INPP4B: variants seen among roughly 807,000 people sequenced by gnomAD.
INPP4B encodes the protein inositol polyphosphate 4-phosphatase type II.
INPP4B carries 55 observed loss-of-function variants against 122.5 expected under a neutral mutation model. The observed-to-expected ratio is 0.45, with a 90% CI of 0.36 to 0.56. The LOEUF (loss-of-function observed/expected upper bound fraction) is 0.56. Among genes scored for constraint, INPP4B ranks in the 20% least tolerant of loss-of-function variants. INPP4B has a pLI of 0.00. For missense variants in INPP4B, 1,000 were observed against 1,097.7 expected (o/e 0.91, Z 1.26); for synonymous variants, 403 against 388.7 (o/e 1.04, Z -0.43).
At chr4:142,357,045 C>G (rs550233009) in intron 7 of INPP4B, among the ~76,000 whole-genome samples, 1 of 152,200 alleles carries the variant, frequency 6.6e-6, no homozygotes, top group South Asian at 2.1e-4. Context: ...CACACAGGAT[C>G]TTGCCAGACC....
At chr4:142,546,884 C>T (rs1229782714) in intron 2 of INPP4B, among the ~76,000 whole-genome samples, 1 of 151,984 alleles carries the variant, frequency 6.6e-6, no homozygotes, top group Non-Finnish European at 1.5e-5. Flanking sequence ...TATTAAGAAA[C>T]TACAGATAAA....
At chr4:142,802,673 A>G (rs1778154196) in intron 1 of INPP4B, among the ~76,000 whole-genome samples, 1 of 152,128 alleles carries the variant, frequency 6.6e-6, no homozygotes, top group Admixed American at 6.5e-5. Context: ...TACGGAAGTT[A>G]CCTTGAAAGC....
intron 2 of INPP4B, chr4:142,565,929 G>T (rs186777354): frequency 6.6e-6 from 1 of 152,318 alleles, no homozygotes; most frequent in East Asian, 1.9e-4. Flanking sequence ...TGCATTGACT[G>T]TCAGAGCCTC....
chr4:142,390,145 AAGAT>A (rs1797206247), intron 7 of INPP4B, among the ~76,000 whole-genome samples: 2 of 152,196 alleles, frequency 1.3e-5, no homozygotes, highest in Non-Finnish European at 2.9e-5. Flanking sequence ...CAAACTGATT[AAGAT>A]AGATACATTT....
At chr4:142,122,093 C>A in intron 21 of INPP4B, 35 bp downstream of exon 21, 1 of 1,367,332 alleles carries the variant, frequency 7.3e-7, no homozygotes, top group South Asian at 1.2e-5. Context: ...ACATGTCTAA[C>A]AAAGCCTGGT....
At chr4:142,812,944 G>C (rs992680447) in intron 1 of INPP4B, among the ~76,000 whole-genome samples, 3 of 152,150 alleles carry the variant, frequency 2.0e-5, no homozygotes, top group African/African-American at 7.2e-5. Flanking sequence ...AAAAGGCTTT[G>C]CTATGATCAA....
intron 1 of INPP4B, among the ~76,000 whole-genome samples, chr4:142,821,844 G>A (rs1240805758): frequency 6.6e-6 from 1 of 152,142 alleles, no homozygotes; most frequent in Non-Finnish European, 1.5e-5. Context: ...ACACCAAAAG[G>A]AGTCACTGTC....
At chr4:142,716,735 A>G (rs151195689) in intron 2 of INPP4B, among the ~76,000 whole-genome samples, 495 of 152,316 alleles carry the variant, frequency 3.2e-3, no homozygotes, top group Non-Finnish European at 5.0e-3. Context: ...AAGTTTTTTC[A>G]TATGTAGGAT....
chr4:142,040,380 G>A (rs546248534), intron 25 of INPP4B, among the ~76,000 whole-genome samples: 1 of 152,134 alleles, frequency 6.6e-6, no homozygotes, highest in Non-Finnish European at 1.5e-5. Flanking sequence ...GTAATGTATA[G>A]GAAATGGGCA....
chr4:142,415,950 C>T (rs1252319982), intron 5 of INPP4B, among the ~76,000 whole-genome samples: 1 of 144,956 alleles, frequency 6.9e-6, no homozygotes, highest in East Asian at 2.1e-4. Flanking sequence ...GGGAATTGAA[C>T]AATGAGAACA....
At chr4:142,594,058 A>G (rs995471297) in intron 2 of INPP4B, among the ~76,000 whole-genome samples, 2 of 152,204 alleles carry the variant, frequency 1.3e-5, no homozygotes, top group Non-Finnish European at 2.9e-5. Flanking sequence ...TGATTGGTGA[A>G]CATTTAGAAA....
chr4:142,298,554 G>A (rs1759847267), intron 9 of INPP4B, among the ~76,000 whole-genome samples: 1 of 151,660 alleles, frequency 6.6e-6, no homozygotes, highest in Non-Finnish European at 1.5e-5. Flanking sequence ...GCATGATGGT[G>A]GGCGCCTATA....
At chr4:142,645,530 A>T (rs1751560160) in intron 2 of INPP4B, among the ~76,000 whole-genome samples, 1 of 152,154 alleles carries the variant, frequency 6.6e-6, no homozygotes, top group African/African-American at 2.4e-5. Context: ...ATAGAATGTG[A>T]TGTTTGCAAC....
intron 2 of INPP4B, among the ~76,000 whole-genome samples, chr4:142,561,790 T>G (rs1730530438): frequency 6.6e-6 from 1 of 152,226 alleles, no homozygotes; most frequent in South Asian, 2.1e-4. Flanking sequence ...CAATGTCAAT[T>G]CAATATCGAA....
chr4:142,828,399 C>A lies in INPP4B; in HGVS notation c.-254+17810G>T, dbSNP rs118034072. On this transcript the variant is annotated intron_variant, in intron 1 of 25. Coordinates refer to ENST00000262992, the MANE Select transcript of INPP4B (RefSeq NM_001101669.3). ...TCAGAAAAGGAACAGCTGAAGAAAT[C>A]TGTTGATCTCTACCATAGTTCTGAG... Among the ~76,000 whole-genome samples, 304 of 152,208 alleles carry A rather than the reference C, an allele frequency of 2.0e-3. 6 individuals are homozygous for A. The East Asian group carries it at 0.051, about 25-fold the overall frequency.
At chr4:142,651,815 C>A (rs1413485981) in intron 2 of INPP4B, among the ~76,000 whole-genome samples, 1 of 152,202 alleles carries the variant, frequency 6.6e-6, no homozygotes, top group East Asian at 1.9e-4. Flanking sequence ...TGGTACCATT[C>A]CTTCTGTAAC....
intron 8 of INPP4B, among the ~76,000 whole-genome samples, chr4:142,310,375 TAAAAC>T (rs1765052390): frequency 1.3e-5 from 2 of 151,674 alleles, no homozygotes; most frequent in Non-Finnish European, 3.0e-5. Context: ...CTGGGTTAAA[TAAAAC>T]ATATTAAAAT....
chr4:142,338,995 C>T (rs1472036040), intron 7 of INPP4B, among the ~76,000 whole-genome samples: 3 of 152,162 alleles, frequency 2.0e-5, no homozygotes, highest in East Asian at 1.9e-4. Flanking sequence ...AGAAGGAGGT[C>T]GGAACATACC....
At chr4:142,707,015 CA>C (rs1446239449) in intron 2 of INPP4B, among the ~76,000 whole-genome samples, 1 of 152,156 alleles carries the variant, frequency 6.6e-6, no homozygotes, top group Non-Finnish European at 1.5e-5. Context: ...AACTTTAAAC[CA>C]ATGAGAAAGA....
Sources: gnomAD v4.1 joint callset for allele counts (sites outside exome capture counted in the v4.1 genomes callset) on GRCh38, gnomAD v4.1.1 for gene constraint, MANE v1.5 for transcripts, NCBI Gene and HGNC (gene_info 2026-07-23, HGNC 2026-07-21) for gene names.